Variants in HIVEP3 observed in about 807,000 individuals in gnomAD.
HIVEP3 encodes the protein HIVEP zinc finger 3, also known as transcription factor HIVEP3.
Under a neutral mutation model 152.8 loss-of-function variants are expected in HIVEP3, and 49 were observed. That is an observed-to-expected ratio of 0.32 (90% CI 0.26 to 0.41). HIVEP3 has a LOEUF of 0.41. HIVEP3 is among the 10% of genes least tolerant of loss of function. The probability of loss-of-function intolerance (pLI) is 1.00; values close to 1 mark genes in which losing one functional copy is unlikely to be tolerated. For missense variants in HIVEP3, 2,790 were observed against 3,103.3 expected (o/e 0.90, Z 2.40); for synonymous variants, 1,269 against 1,289.0 (o/e 0.98, Z 0.33).
intron 2 of HIVEP3, among the ~76,000 whole-genome samples, chr1:41,689,508 T>A (rs566739028): frequency 6.6e-6 from 1 of 152,276 alleles, no homozygotes; most frequent in African/African-American, 2.4e-5. Context: ...ACTTTCCATT[T>A]CACGGGAGAG....
chr1:41,607,160 A>G (rs969694095), intron 3 of HIVEP3, among the ~76,000 whole-genome samples: 17 of 152,042 alleles, frequency 1.1e-4, no homozygotes. Context: ...TTCTTTGGCT[A>G]TATCTTTCAC....
chr1:41,654,268 A>G (rs1645597543), intron 2 of HIVEP3, among the ~76,000 whole-genome samples: 1 of 152,188 alleles, frequency 6.6e-6, no homozygotes, highest in Non-Finnish European at 1.5e-5. Context: ...GGAATCTCCA[A>G]TAGAAAATTC....
At chr1:41,693,845 C>G (rs1360901710) in intron 2 of HIVEP3, among the ~76,000 whole-genome samples, 1 of 152,138 alleles carries the variant, frequency 6.6e-6, no homozygotes, top group East Asian at 1.9e-4. Flanking sequence ...ATTCCCTCTC[C>G]TCCATACAAA....
chr1:41,731,339 T>TA (rs1322539305), intron 1 of HIVEP3, among the ~76,000 whole-genome samples: 1 of 152,128 alleles, frequency 6.6e-6, no homozygotes, highest in Non-Finnish European at 1.5e-5. Flanking sequence ...AGGGCCCCAG[T>TA]AAGCCCCCGT....
intron 3 of HIVEP3, among the ~76,000 whole-genome samples, chr1:41,611,961 C>T (rs1286791480): frequency 6.6e-6 from 1 of 152,128 alleles, no homozygotes; most frequent in Non-Finnish European, 1.5e-5. Context: ...GATATAAACT[C>T]GCCCTTCTTG....
chr1:41,924,144 C>T (rs71654213), intron 1 of HIVEP3, among the ~76,000 whole-genome samples: 39,315 of 151,998 alleles, frequency 0.26, 6,554 homozygotes, highest in Non-Finnish European at 0.38. Context: ...ACGTAGGAGA[C>T]GGGCTAGAGG....
intron 2 of HIVEP3, among the ~76,000 whole-genome samples, chr1:41,643,906 T>TTTTTTTTTG (rs1553242264): frequency 3.4e-4 from 49 of 143,674 alleles, no homozygotes; most frequent in East Asian, 1.5e-3. Context: ...TTTTTTTTTT[T>TTTTTTTTTG]GACAGGGTCT....
intron 1 of HIVEP3, among the ~76,000 whole-genome samples, chr1:41,707,252 C>T (rs942482024): frequency 1.3e-5 from 2 of 152,168 alleles, no homozygotes; most frequent in Non-Finnish European, 2.9e-5. Context: ...TGGTCTTTTG[C>T]CAAGTCGAGG....
At chr1:41,598,508 C>T (rs2149122104) in intron 3 of HIVEP3, among the ~76,000 whole-genome samples, 1 of 152,300 alleles carries the variant, frequency 6.6e-6, no homozygotes, top group South Asian at 2.1e-4. Flanking sequence ...TGGCGACTGC[C>T]TGTGGCTTCT....
intron 2 of HIVEP3, among the ~76,000 whole-genome samples, chr1:41,666,641 C>G (rs1229717902): frequency 6.6e-6 from 1 of 152,118 alleles, no homozygotes; most frequent in African/African-American, 2.4e-5. Context: ...TTCTCAAGCC[C>G]GAAGCCAGAA....
intron 1 of HIVEP3, among the ~76,000 whole-genome samples, chr1:41,713,910 C>T (rs546601059): frequency 9.2e-5 from 14 of 152,294 alleles, no homozygotes; most frequent in African/African-American, 2.6e-4. Context: ...GAGCTGAGAG[C>T]CCCCCGAAAC....
intron 1 of HIVEP3, among the ~76,000 whole-genome samples, chr1:41,723,749 T>C (rs1227136030): frequency 6.6e-6 from 1 of 152,152 alleles, no homozygotes; most frequent in East Asian, 1.9e-4. Context: ...TTACTGCAAA[T>C]TGGGAAGAGC....
intron 2 of HIVEP3, among the ~76,000 whole-genome samples, chr1:41,682,374 C>G (rs558952476): frequency 1.2e-4 from 19 of 152,212 alleles, no homozygotes; most frequent in Admixed American, 3.3e-4. Flanking sequence ...CGTGAGCTCT[C>G]AAGGGTAGGC....
At chr1:41,547,518 G>A (rs1356974805) in intron 5 of HIVEP3, among the ~76,000 whole-genome samples, 1 of 152,136 alleles carries the variant, frequency 6.6e-6, no homozygotes, top group Admixed American at 6.5e-5. Context: ...GGGATGCTTG[G>A]GATCCACCGA....
At chr1:41,682,153 C>T (rs1001104662) in intron 2 of HIVEP3, among the ~76,000 whole-genome samples, 2 of 152,190 alleles carry the variant, frequency 1.3e-5, no homozygotes, top group African/African-American at 4.8e-5. Flanking sequence ...GCTGAGGCCA[C>T]ATCTTCTGTG....
In HIVEP3 at chr1:41,524,710, AGTGCCCCAG is replaced by A; in HGVS notation, c.5383+16_5383+24del. On this transcript the variant is annotated intron_variant, in intron 6 of 8. Coordinates refer to ENST00000372583, the MANE Select transcript of HIVEP3 (RefSeq NM_024503.5). The stretch of plus-strand genomic sequence containing the variant: ...GGAGCTCCCTGCAGCGGGCAGGGGC[AGTGCCCCAG>A]CTGACTCTCTCTTACCTTTGGTTTT... 6.2e-7 allele frequency: 1 copy of A among 1,609,110 alleles called. No individual in the cohort carries two copies. Among genetic ancestry groups the A allele is most frequent in the Non-Finnish European group, 8.5e-7 (1 of 1,176,556 alleles).
chr1:41,848,348 G>C (rs1431404062), intron 1 of HIVEP3: 1 of 152,254 alleles, frequency 6.6e-6, no homozygotes, highest in Non-Finnish European at 1.5e-5. Flanking sequence ...AGCTTTTGCA[G>C]TTACAAAATG....
At chr1:41,977,985 T>C (rs902336849) in intron 1 of HIVEP3, among the ~76,000 whole-genome samples, 1 of 152,174 alleles carries the variant, frequency 6.6e-6, no homozygotes, top group Admixed American at 6.5e-5. Flanking sequence ...ATCATACCAA[T>C]AGGCAATGTC....
At chr1:41,530,107 G>GT (rs1404640986) in intron 5 of HIVEP3, among the ~76,000 whole-genome samples, 2 of 152,078 alleles carry the variant, frequency 1.3e-5, no homozygotes, top group South Asian at 2.1e-4. Context: ...GGTGGACCCT[G>GT]TTTTTTTGTC....
Sources: allele counts gnomAD v4.1 joint callset (sites outside exome capture counted in the v4.1 genomes callset), GRCh38; gene constraint gnomAD v4.1.1; transcripts MANE v1.5; gene names NCBI Gene and HGNC (gene_info 2026-07-23, HGNC 2026-07-21).